The following NALCN variants were observed in gnomAD, a reference collection of about 807,000 sequenced individuals.
NALCN encodes the protein sodium leak channel, non-selective.
In NALCN, 111 loss-of-function variants were observed where a neutral mutation model predicts 225.3. The observed-to-expected ratio is 0.49, with a 90% CI of 0.42 to 0.58. The LOEUF (loss-of-function observed/expected upper bound fraction) is 0.58. Among genes scored for constraint, NALCN ranks in the 20% least tolerant of loss-of-function variants. NALCN has a pLI of 0.00. For synonymous variants in NALCN, 764 were observed against 769.0 expected (o/e 0.99, Z 0.11); for missense variants, 1,378 against 2,202.4 (o/e 0.63, Z 7.49).
intron 28 of NALCN, among the ~76,000 whole-genome samples, chr13:101,092,571 T>C (rs1172562609): frequency 6.6e-6 from 1 of 152,160 alleles, no homozygotes; most frequent in Admixed American, 6.5e-5. Flanking sequence ...CTTCAAAAGG[T>C]AACCAGTGTG....
intron 15 of NALCN, among the ~76,000 whole-genome samples, chr13:101,152,762 T>C (rs2037714292): frequency 6.6e-6 from 1 of 152,206 alleles, no homozygotes; most frequent in African/African-American, 2.4e-5. Flanking sequence ...CAAACATCTC[T>C]ATTTTATATT....
chr13:101,216,051 A>C (rs373262517), intron 13 of NALCN, among the ~76,000 whole-genome samples: 12 of 152,188 alleles, frequency 7.9e-5, no homozygotes, highest in Admixed American at 5.9e-4. Context: ...ACTCGTGCGG[A>C]GATATCATGG....
At chr13:101,063,152 T>C (rs1007343097) in intron 40 of NALCN, among the ~76,000 whole-genome samples, 1 of 152,210 alleles carries the variant, frequency 6.6e-6, no homozygotes, top group Non-Finnish European at 1.5e-5. Flanking sequence ...CTCAGACCCA[T>C]GCACCCTGGT....
At chr13:101,326,349 G>A (rs969797620) in intron 7 of NALCN, among the ~76,000 whole-genome samples, 2 of 152,140 alleles carry the variant, frequency 1.3e-5, no homozygotes, top group African/African-American at 4.8e-5. Context: ...ATGAATGAGT[G>A]AATGAATAAA....
At chr13:101,336,400 A>G (rs1416225141) in intron 7 of NALCN, among the ~76,000 whole-genome samples, 3 of 152,182 alleles carry the variant, frequency 2.0e-5, no homozygotes, top group African/African-American at 7.2e-5. Flanking sequence ...TTCAATACTC[A>G]TAATTACGTT....
At chr13:101,173,780 A>G (rs1273918811) in intron 15 of NALCN, among the ~76,000 whole-genome samples, 4 of 152,222 alleles carry the variant, frequency 2.6e-5, no homozygotes, top group Admixed American at 6.5e-5. Flanking sequence ...AATAGAGTAC[A>G]TAAGTTTAAA....
At chr13:101,080,093 C>T (rs1366765125) in intron 34 of NALCN, among the ~76,000 whole-genome samples, 2 of 152,132 alleles carry the variant, frequency 1.3e-5, no homozygotes, top group East Asian at 3.8e-4. Flanking sequence ...TATTATCTCA[C>T]TTGATCTTCA....
chr13:101,141,596 A>G (rs1309762136), intron 17 of NALCN, among the ~76,000 whole-genome samples: 2 of 151,580 alleles, frequency 1.3e-5, no homozygotes, highest in African/African-American at 4.8e-5. Context: ...AAACGGGAGT[A>G]GTATCACATT....
chr13:101,296,567 T>C (rs1450037389), intron 7 of NALCN, among the ~76,000 whole-genome samples: 2 of 152,234 alleles, frequency 1.3e-5, no homozygotes, highest in Non-Finnish European at 1.5e-5. Flanking sequence ...CTAGATGTGC[T>C]ACAGAATATT....
intron 3 of NALCN, among the ~76,000 whole-genome samples, chr13:101,393,257 T>A (rs776312240): frequency 1.4e-4 from 22 of 152,180 alleles, no homozygotes; most frequent in Non-Finnish European, 2.9e-4. Context: ...AAAACTACAG[T>A]GGATTACCGT....
At chr13:101,299,828 C>T (rs571822732) in intron 7 of NALCN, among the ~76,000 whole-genome samples, 2 of 152,084 alleles carry the variant, frequency 1.3e-5, no homozygotes, top group African/African-American at 4.8e-5. Context: ...CAGATTTTAG[C>T]CACATATTAA....
chr13:101,336,424 T>C lies in NALCN; in HGVS notation c.799+8842A>G, dbSNP rs573289498. Among the ~76,000 whole-genome samples the C allele has an allele frequency of 1.4e-4, 22 of 152,254 alleles. No individual in the cohort carries two copies. The East Asian group carries it at 2.7e-3, about 19-fold the overall frequency. On this transcript the variant is annotated intron_variant, in intron 7 of 43. Transcript: ENST00000251127. ...CATAATTACGTTCTTCAGAAGTGAG[T>C]TGGGAATATAGGAAATCTGGAAGAC...
At chr13:101,257,133 G>A (rs2042258669) in intron 11 of NALCN, among the ~76,000 whole-genome samples, 1 of 151,730 alleles carries the variant, frequency 6.6e-6, no homozygotes. Context: ...CTATTTTTCA[G>A]AGGCTGGGCT....
At chr13:101,064,224 T>C (rs1229637696) in intron 40 of NALCN, among the ~76,000 whole-genome samples, 1 of 152,178 alleles carries the variant, frequency 6.6e-6, no homozygotes, top group East Asian at 1.9e-4. Context: ...AATGCGACTG[T>C]GGTTTGTTGC....
rs534687287 is a variant in NALCN, at chr13:101,387,489, T to C, written c.291+7694A>G. Among the ~76,000 whole-genome samples the C allele has an allele frequency of 5.1e-4, 78 of 152,302 alleles. 1 individual carries two copies. In the South Asian group the frequency reaches 0.016, roughly 30 times the overall value. ...GTAACCTGAAGATTAAAATAGAACA[T>C]GTATATTCATAACGTTCCTATTTAT... On this transcript the variant is annotated intron_variant, in intron 3 of 43. Transcript: ENST00000251127.
intron 11 of NALCN, among the ~76,000 whole-genome samples, chr13:101,253,332 G>A (rs1159629024): frequency 2.6e-5 from 4 of 152,184 alleles, no homozygotes; most frequent in Middle Eastern, 6.8e-3. Context: ...TGGGTAAAGT[G>A]CTTTATTTTA....
intron 34 of NALCN, among the ~76,000 whole-genome samples, chr13:101,078,156 TG>T (rs35545767): frequency 0.31 from 47,771 of 152,052 alleles, 8,380 homozygotes; most frequent in East Asian, 0.48. Flanking sequence ...AAGTTTGCTG[TG>T]GGGGTAGAGC....
intron 6 of NALCN, among the ~76,000 whole-genome samples, chr13:101,360,231 C>CTCTCTCT (rs2046213644): frequency 4.1e-5 from 3 of 73,148 alleles, no homozygotes; most frequent in African/African-American, 1.1e-4. Context: ...TCTCTCTCTC[C>CTCTCTCT]TTCCTTCCTT....
chr13:101,059,820 C>G lies in NALCN; in HGVS notation c.4903G>C (p.Glu1635Gln). The change falls in exon 42 of 44, where the codon GAG becomes CAG. Residue 1635 changes from glutamate to glutamine, a missense_variant and splice_region_variant. Physicochemically the swap from Glu to Gln is conservative, Grantham distance 29. Around this residue, in one of 19 missense-constraint regions of NALCN, gnomAD observed 145 missense variants for 169.6 expected, o/e 0.85. Transcript: ENST00000251127. The part of the protein sequence containing the change: ...ANSQDNSMQP[E>Q]TSSQQQLLSP... ...CAGAGGACGCCTCGTGCCCATACCTCAGGTTGCATGCTGTTGTCCTGACTG... is the reference window on the plus strand; with the variant it reads ...CAGAGGACGCCTCGTGCCCATACCTGAGGTTGCATGCTGTTGTCCTGACTG... 4 of 1,613,974 alleles carry G rather than the reference C, an allele frequency of 2.5e-6. No homozygotes were observed. In the South Asian group the frequency reaches 3.3e-5, roughly 13 times the overall value.
Sources: gnomAD v4.1 joint callset for allele counts (sites outside exome capture counted in the v4.1 genomes callset) on GRCh38, gnomAD v4.1.1 for gene constraint, gnomAD v4.1.1 regional missense constraint, MANE v1.5 for transcripts, NCBI Gene and HGNC (gene_info 2026-07-23, HGNC 2026-07-21) for gene names.